The following CSNK1G2 variants were observed in gnomAD, a reference collection of about 807,000 sequenced individuals.
The protein encoded by CSNK1G2 is casein kinase I isoform gamma-2.
A neutral mutation model predicts 48.0 loss-of-function variants in CSNK1G2; 11 were observed. The ratio of observed to expected loss-of-function variants is 0.23; its 90% CI spans 0.14 to 0.38. CSNK1G2 has a LOEUF of 0.38. Ranked by LOEUF, CSNK1G2 falls within the 10% of genes least tolerant of loss-of-function variation. CSNK1G2 has a pLI of 1.00. For missense variants in CSNK1G2, 446 were observed against 595.5 expected (o/e 0.75, Z 2.61); for synonymous variants, 337 against 254.1 (o/e 1.33, Z -3.10).
chr19:1,949,074 C>T (rs955763010), intron 1 of CSNK1G2, among the ~76,000 whole-genome samples: 1 of 152,154 alleles, frequency 6.6e-6, no homozygotes, highest in African/African-American at 2.4e-5. Flanking sequence ...GAGAGGCTGG[C>T]GCCCTCAGGG....
chr19:1,976,624 C>T (rs1343302807), intron 2 of CSNK1G2, among the ~76,000 whole-genome samples: 1 of 152,200 alleles, frequency 6.6e-6, no homozygotes, highest in Non-Finnish European at 1.5e-5. Flanking sequence ...GCTCAGCCAC[C>T]GGGCTTTGGG....
chr19:1,959,998 G>C (rs1001656151), intron 1 of CSNK1G2, among the ~76,000 whole-genome samples: 2 of 152,226 alleles, frequency 1.3e-5, no homozygotes, highest in African/African-American at 4.8e-5. Flanking sequence ...ACTGGGGAGT[G>C]AGAGTTTGTT....
intron 1 of CSNK1G2, among the ~76,000 whole-genome samples, chr19:1,964,454 C>G (rs1038393913): frequency 3.9e-5 from 6 of 152,162 alleles, no homozygotes; most frequent in African/African-American, 9.7e-5. Context: ...CCAGGACTTT[C>G]CTCGTGTGGA....
intron 2 of CSNK1G2, among the ~76,000 whole-genome samples, chr19:1,973,292 C>T (rs868574463): frequency 1.3e-5 from 2 of 151,874 alleles, no homozygotes; most frequent in African/African-American, 2.4e-5. Context: ...GGCGCGATCT[C>T]GGCTCACTGC....
chr19:1,941,947 C>T (rs945691668), intron 1 of CSNK1G2, among the ~76,000 whole-genome samples: 1 of 152,032 alleles, frequency 6.6e-6, no homozygotes, highest in Non-Finnish European at 1.5e-5. Context: ...TCCCGAGGCC[C>T]CTGCCCACCT....
chr19:1,962,910 C>T (rs560223684), intron 1 of CSNK1G2, among the ~76,000 whole-genome samples: 20 of 152,314 alleles, frequency 1.3e-4, no homozygotes, highest in African/African-American at 4.3e-4. Context: ...AGCAGCCGGA[C>T]GGTGGCTACA....
intron 1 of CSNK1G2, among the ~76,000 whole-genome samples, chr19:1,950,436 G>T (rs1361754760): frequency 1.4e-5 from 2 of 147,146 alleles, no homozygotes. Flanking sequence ...ACCGCGCCTG[G>T]CCATCAATGT....
At chr19:1,942,918 C>A (rs2014422230) in intron 1 of CSNK1G2, among the ~76,000 whole-genome samples, 1 of 152,186 alleles carries the variant, frequency 6.6e-6, no homozygotes, top group South Asian at 2.1e-4. Context: ...AGGCAGGCAG[C>A]CCCCGGGAGT....
intron 1 of CSNK1G2, among the ~76,000 whole-genome samples, chr19:1,951,378 G>C (rs1320467856): frequency 1.4e-5 from 2 of 143,942 alleles, no homozygotes; most frequent in Non-Finnish European, 3.0e-5. Flanking sequence ...ACTCCAGCCT[G>C]GGCGACAGAG....
At chr19:1,944,748 CTG>C (rs2014493357) in intron 1 of CSNK1G2, among the ~76,000 whole-genome samples, 3 of 152,036 alleles carry the variant, frequency 2.0e-5, no homozygotes, top group Admixed American at 1.3e-4. Context: ...AAGTGAGGGT[CTG>C]GGACCACCAG....
chr19:1,943,819 C>G lies in CSNK1G2; in HGVS notation c.-266+2401C>G, dbSNP rs567099083. Among the ~76,000 whole-genome samples the G allele has an allele frequency of 3.3e-5, 5 of 152,248 alleles. No homozygotes were observed. The East Asian group carries it at 9.6e-4, about 29-fold the overall frequency. The stretch of plus-strand genomic sequence containing the variant: ...TGATGTTGCCTCCTTTCTGCACCCC[C>G]CACCGAGCTGCCCCAGGCCCCCAGG... On this transcript the variant is annotated intron_variant, in intron 1 of 11. Transcript: ENST00000255641.
At chr19:1,967,341 C>T (rs2015395738) in intron 1 of CSNK1G2, among the ~76,000 whole-genome samples, 1 of 152,176 alleles carries the variant, frequency 6.6e-6, no homozygotes, top group South Asian at 2.1e-4. Context: ...ACCCGCGGCC[C>T]CTACGTCCTG....
intron 1 of CSNK1G2, among the ~76,000 whole-genome samples, chr19:1,946,186 G>A (rs56307353): frequency 2.0e-5 from 3 of 151,704 alleles, no homozygotes; most frequent in African/African-American, 7.2e-5. Context: ...AGAGGAGGGG[G>A]CGCAGGTGAG....
At chr19:1,971,057 T>A (rs896747184) in intron 2 of CSNK1G2, among the ~76,000 whole-genome samples, 5 of 152,218 alleles carry the variant, frequency 3.3e-5, no homozygotes, top group Admixed American at 3.3e-4. Flanking sequence ...GTGGCCCTGC[T>A]TCCCACCTCC....
intron 1 of CSNK1G2, among the ~76,000 whole-genome samples, chr19:1,956,609 A>T (rs1026139579): frequency 6.6e-6 from 1 of 152,200 alleles, no homozygotes; most frequent in Non-Finnish European, 1.5e-5. Flanking sequence ...ACCCTGCGGC[A>T]TTGGCCCTTT....
At chr19:1,954,169 G>A (rs1247773825) in intron 1 of CSNK1G2, 2 of 412,040 alleles carry the variant, frequency 4.9e-6, no homozygotes, top group East Asian at 1.2e-4. Context: ...AGGTTGGTTT[G>A]TCCTGGCCGC....
At chr19:1,948,170 G>A (rs2014632867) in intron 1 of CSNK1G2, among the ~76,000 whole-genome samples, 1 of 152,214 alleles carries the variant, frequency 6.6e-6, no homozygotes, top group South Asian at 2.1e-4. Flanking sequence ...CCCGGGCCCT[G>A]TCCCTCCCCC....
At chr19:1,950,291 C>T (rs147084624) in intron 1 of CSNK1G2, among the ~76,000 whole-genome samples, 3,072 of 151,264 alleles carry the variant, frequency 0.02, 68 homozygotes, top group Middle Eastern at 0.055. Flanking sequence ...AGGCACCCGC[C>T]ACCACACCCA....
chr19:1,966,077 G>T (rs2015356692), intron 1 of CSNK1G2, among the ~76,000 whole-genome samples: 1 of 152,362 alleles, frequency 6.6e-6, no homozygotes, highest in African/African-American at 2.4e-5. Flanking sequence ...GGGGTTACAG[G>T]CAGGAGCCAC....
Sources: allele counts gnomAD v4.1 joint callset (sites outside exome capture counted in the v4.1 genomes callset), GRCh38; gene constraint gnomAD v4.1.1; transcripts MANE v1.5; gene names NCBI Gene and HGNC (gene_info 2026-07-23, HGNC 2026-07-21).